KANK1: variants seen among roughly 807,000 people sequenced by gnomAD.
KANK1 encodes the protein KN motif and ankyrin repeat domain-containing protein 1.
A neutral mutation model predicts 106.2 loss-of-function variants in KANK1; 109 were observed. The observed-to-expected ratio is 1.03, with a 90% CI of 0.88 to 1.20. The LOEUF is 1.20. KANK1 is among the 50% of genes most tolerant of loss of function. The pLI, the probability that KANK1 is intolerant of heterozygous loss-of-function variation, is 0.00. For missense variants in KANK1, 2,399 were observed against 1,710.7 expected (o/e 1.40, Z -7.10); for synonymous variants, 873 against 652.2 (o/e 1.34, Z -5.16).
intron 1 of KANK1, among the ~76,000 whole-genome samples, chr9:636,620 C>T (rs1837199490): frequency 6.6e-6 from 1 of 152,348 alleles, no homozygotes; most frequent in South Asian, 2.1e-4. Flanking sequence ...GTAATCCCAA[C>T]ACTTTGGGAG....
rs189360661 is a variant in KANK1 at position 566,140 on chromosome 9, G to A, written c.-84+61386G>A. Among the ~76,000 whole-genome samples the A allele has an allele frequency of 2.8e-4, 43 of 152,298 alleles. 1 individual carries two copies. The East Asian group carries it at 3.9e-3, about 14-fold the overall frequency. ...TATTTGGTTTTCTGTTCCTGCGTTA[G>A]TTTGCTGTGGGTGATGGCTTCCAGC... is the stretch of plus-strand genomic sequence containing the variant. On this transcript the variant is annotated intron_variant, in intron 1 of 11. Coordinates refer to ENST00000382297, the MANE Select transcript of KANK1 (RefSeq NM_015158.5).
At chr9:734,936 C>T (rs922802483) in intron 7 of KANK1, 101 bp downstream of exon 7, 11 of 816,846 alleles carry the variant, frequency 1.3e-5, no homozygotes, top group Non-Finnish European at 2.3e-5. Context: ...TGCTTGCATG[C>T]TTTTCTCCTG....
chr9:484,935 C>CAAAAAAAAAA (rs60286162), intron 3 of KANK1, among the ~76,000 whole-genome samples: 2 of 144,428 alleles, frequency 1.4e-5, no homozygotes, highest in African/African-American at 5.0e-5. Flanking sequence ...ATGGAGAATG[C>CAAAAAAAAAA]AAAAAAAAAA....
chr9:525,350 C>CGTGTGTGTGTGT (rs35296364), intron 1 of KANK1, among the ~76,000 whole-genome samples: 1,618 of 140,534 alleles, frequency 0.012, 55 homozygotes, highest in African/African-American at 0.038. Flanking sequence ...TGTATACATA[C>CGTGTGTGTGTGT]GTGTGTGTGT....
chr9:737,776 A>G (rs1834191682), intron 7 of KANK1, among the ~76,000 whole-genome samples: 1 of 152,344 alleles, frequency 6.6e-6, no homozygotes, highest in South Asian at 2.1e-4. Context: ...TCTGGATAGG[A>G]AGGAAGCAGC....
In KANK1 at chr9:648,352, C is replaced by T. The variant is rs184277877; in HGVS notation, c.-83-28538C>T. On this transcript the variant is annotated intron_variant, in intron 1 of 11. Coordinates refer to ENST00000382297, the MANE Select transcript of KANK1 (RefSeq NM_015158.5). The stretch of plus-strand genomic sequence containing the variant: ...ACTGCATAGTAGTTAGTTTCTCTTT[C>T]TTCTTTCTTTAATAGGATCATCTCA... Among the ~76,000 whole-genome samples, 4 of 152,186 alleles carry T rather than the reference C, an allele frequency of 2.6e-5. No homozygotes were observed. In the East Asian group the frequency reaches 7.7e-4, roughly 29 times the overall value.
intron 1 of KANK1, among the ~76,000 whole-genome samples, chr9:601,922 A>G (rs1366024805): frequency 1.3e-5 from 2 of 151,848 alleles, no homozygotes; most frequent in Admixed American, 6.5e-5. Context: ...AGACGTGCAC[A>G]TTGCAACTGG....
intron 1 of KANK1, among the ~76,000 whole-genome samples, chr9:571,390 C>G (rs969620751): frequency 6.6e-6 from 1 of 151,980 alleles, no homozygotes; most frequent in African/African-American, 2.4e-5. Context: ...AGTGTTGGAG[C>G]CCTTTTTAAT....
rs144788164 is a variant in KANK1, at chr9:561,161, G to A, written c.-84+56407G>A. 1.3e-3 allele frequency among the ~76,000 whole-genome samples: 204 copies of A among 152,286 alleles called. 2 individuals carry two copies. The highest frequency in any genetic ancestry group is 0.01 in the Middle Eastern group (3 of 294). On this transcript the variant is annotated intron_variant, in intron 1 of 11. Coordinates refer to ENST00000382297, the MANE Select transcript of KANK1 (RefSeq NM_015158.5). Reference sequence around the variant, plus strand: ...TGAAAGGCTATCGGGGTGGAAAGGAGAGCAAAGTTAATTCTCAACTTCAGG... The same window carrying A: ...TGAAAGGCTATCGGGGTGGAAAGGAAAGCAAAGTTAATTCTCAACTTCAGG...
intron 1 of KANK1, among the ~76,000 whole-genome samples, chr9:647,630 A>G (rs1391356682): frequency 2.0e-5 from 3 of 150,758 alleles, no homozygotes; most frequent in Non-Finnish European, 4.4e-5. Context: ...GTGAGTATCC[A>G]TAGTGTCAAA....
At chr9:656,333 C>G (rs570466040) in intron 1 of KANK1, among the ~76,000 whole-genome samples, 1 of 152,240 alleles carries the variant, frequency 6.6e-6, no homozygotes, top group East Asian at 1.9e-4. Context: ...GAATCTGTTT[C>G]CCCTGGCTTG....
At chr9:587,877 C>T (rs1273700234) in intron 1 of KANK1, among the ~76,000 whole-genome samples, 1 of 152,126 alleles carries the variant, frequency 6.6e-6, no homozygotes, top group African/African-American at 2.4e-5. Flanking sequence ...ACCAGCCTGG[C>T]CAACATGGCG....
At chr9:629,070 C>A (rs1210853821) in intron 1 of KANK1, among the ~76,000 whole-genome samples, 1 of 102,334 alleles carries the variant, frequency 9.8e-6, no homozygotes, top group Non-Finnish European at 2.0e-5. Context: ...CAGGGCACAA[C>A]TGTTTCCAAA....
At chr9:637,956 G>A (rs1837536853) in intron 1 of KANK1, among the ~76,000 whole-genome samples, 1 of 152,146 alleles carries the variant, frequency 6.6e-6, no homozygotes, top group Non-Finnish European at 1.5e-5. Context: ...TTATTCCACT[G>A]TGCCATGGAC....
intron 1 of KANK1, among the ~76,000 whole-genome samples, chr9:541,332 G>C (rs1368991679): frequency 1.3e-5 from 2 of 152,152 alleles, no homozygotes; most frequent in African/African-American, 4.8e-5. Flanking sequence ...GGGGAAAAGA[G>C]AGTCTTTTCA....
chr9:636,782 G>A (rs1055799767), intron 1 of KANK1, among the ~76,000 whole-genome samples: 8 of 152,146 alleles, frequency 5.3e-5, no homozygotes, highest in Admixed American at 1.3e-4. Flanking sequence ...CAGGAGAATC[G>A]CATGAACCCG....
intron 2 of KANK1, among the ~76,000 whole-genome samples, chr9:689,146 A>G (rs1819261153): frequency 6.6e-6 from 1 of 152,150 alleles, no homozygotes. Context: ...AAAATATATT[A>G]TGAGACCATC....
chr9:561,189 G>A (rs1478240203), intron 1 of KANK1, among the ~76,000 whole-genome samples: 12 of 152,068 alleles, frequency 7.9e-5, no homozygotes, highest in Admixed American at 7.2e-4. Flanking sequence ...ACTTCAGGGG[G>A]GCAGGATTGG....
intron 3 of KANK1, among the ~76,000 whole-genome samples, chr9:721,842 A>C (rs1301621452): frequency 6.6e-6 from 1 of 152,236 alleles, no homozygotes; most frequent in Non-Finnish European, 1.5e-5. Context: ...ACACCAGTGA[A>C]GGCATACGGT....
Sources: allele counts gnomAD v4.1 joint callset (sites outside exome capture counted in the v4.1 genomes callset), GRCh38; gene constraint gnomAD v4.1.1; transcripts MANE v1.5; gene names NCBI Gene and HGNC (gene_info 2026-07-23, HGNC 2026-07-21).